The following TACC3 variants were observed in gnomAD, a reference collection of about 807,000 sequenced individuals.
TACC3 encodes the protein transforming acidic coiled-coil-containing protein 3.
In TACC3, 52 loss-of-function variants were observed where a neutral mutation model predicts 86.0. The ratio of observed to expected loss-of-function variants is 0.60; its 90% CI spans 0.48 to 0.76. TACC3 has a LOEUF of 0.76. TACC3 is among the 30% of genes least tolerant of loss of function. The probability of loss-of-function intolerance (pLI) is 0.00; values close to 1 mark genes in which losing one functional copy is unlikely to be tolerated. For synonymous variants in TACC3, 512 were observed against 430.0 expected, an observed-to-expected ratio of 1.19 and a Z score of -2.36; for missense variants, 1,120 against 1,070.4, an observed-to-expected ratio of 1.05 and a Z score of -0.65.
chr4:1,725,179 G>T (rs534811597), intron 3 of TACC3, among the ~76,000 whole-genome samples: 1 of 151,346 alleles, frequency 6.6e-6, no homozygotes, highest in Non-Finnish European at 1.5e-5. Flanking sequence ...TGATCTGCCG[G>T]CCTCGGCCTC....
chr4:1,735,378 C>G lies in TACC3; in HGVS notation c.1644+53C>G, dbSNP rs182661395. The G allele has an allele frequency of 8.4e-4, 1,351 of 1,607,868 alleles. 10 individuals carry two copies. In the African/African-American group the frequency reaches 0.016, roughly 19 times the overall value. On this transcript the variant is annotated intron_variant, in intron 7 of 15. Coordinates refer to ENST00000313288, the MANE Select transcript of TACC3 (RefSeq NM_006342.3). This position sits in a 1 kb window ranked among gnomAD's most constrained non-coding sequence, Gnocchi z 4.2. ...TCACCCACAGGGTGTCCGAGAGCAGCCACGGCAGGTCTTGCCCCCGGAGCG... is the reference window on the plus strand; with the variant it reads ...TCACCCACAGGGTGTCCGAGAGCAGGCACGGCAGGTCTTGCCCCCGGAGCG...
At chr4:1,720,770 G>A, upstream of TACC3, 1 of 1,592,472 alleles carries the variant, frequency 6.3e-7, no homozygotes, top group Non-Finnish European at 8.5e-7. This position sits in a 1 kb window ranked among gnomAD's most constrained non-coding sequence, Gnocchi z 4.4. Context: ...GAACTCGTTG[G>A]GCGTGAACAC....
At chr4:1,727,610 T>A (rs1717751850) in intron 3 of TACC3, 98 bp from the exon 4 acceptor site, 1 of 1,510,246 alleles carries the variant, frequency 6.6e-7, no homozygotes, top group Non-Finnish European at 8.9e-7. Context: ...GCCCTGCTTC[T>A]GGTGTGAGAA....
At chr4:1,738,948 G>A (rs13138643) in intron 10 of TACC3, among the ~76,000 whole-genome samples, 48,191 of 151,994 alleles carry the variant, frequency 0.32, 8,773 homozygotes, top group East Asian at 0.69. Context: ...TAGGACTGGC[G>A]GGAAAATTGT....
chr4:1,727,674 C>T (rs1480846511), intron 3 of TACC3, 34 bp from the exon 4 acceptor site: 10 of 1,542,648 alleles, frequency 6.5e-6, no homozygotes, highest in African/African-American at 1.4e-5. Context: ...ACCAGGTACT[C>T]GCTGCTTCAC....
chr4:1,724,405 T>TC (rs1560292716), intron 3 of TACC3, among the ~76,000 whole-genome samples: 5 of 141,438 alleles, frequency 3.5e-5, no homozygotes, highest in Non-Finnish European at 6.1e-5. Flanking sequence ...TTTTTTTTTT[T>TC]CTGGAGACAG....
Position 1,735,224 on chromosome 4 carries a change from T to A in TACC3, c.1592-49T>A, listed in dbSNP as rs745818175. 12 of 1,611,992 alleles carry A rather than the reference T, an allele frequency of 7.4e-6. No individual in the cohort carries two copies. Among genetic ancestry groups the A allele is most frequent in the Non-Finnish European group, 8.5e-6 (10 of 1,178,842 alleles). ...GAGGGAGACACCAGCCCGCCGCCCTTAGGGCCCTGGTGAGGGGCGATGGCG... is the reference window on the plus strand; with the variant it reads ...GAGGGAGACACCAGCCCGCCGCCCTAAGGGCCCTGGTGAGGGGCGATGGCG... On this transcript the variant is annotated intron_variant, in intron 6 of 15. Transcript: ENST00000313288. The surrounding 1 kb of genome is among the most constrained non-coding windows in gnomAD (Gnocchi z 4.2).
intron 10 of TACC3, chr4:1,738,159 C>T: frequency 3.0e-6 from 1 of 329,034 alleles, no homozygotes; most frequent in South Asian, 2.3e-5. Context: ...AGGCTTCAGC[C>T]TGTTCTAACT....
At chr4:1,740,299 C>G (rs1458967339) in intron 12 of TACC3, 10 of 539,192 alleles carry the variant, frequency 1.9e-5, no homozygotes, top group Non-Finnish European at 1.0e-5. Flanking sequence ...CGTGGCCTAC[C>G]CCACTCCACC....
chr4:1,728,909 G>A, intron 4 of TACC3, 122 bp downstream of exon 4: 1 of 1,003,978 alleles, frequency 1.0e-6, no homozygotes, highest in Non-Finnish European at 1.4e-6. Flanking sequence ...GGTTCTGCCT[G>A]AGGAGGGGCC....
rs1358351884 is a variant in TACC3 at position 1,731,188 on chromosome 4, C to G, written c.1478C>G (p.Ser493Cys). The G allele has an allele frequency of 6.2e-7, 1 of 1,613,380 alleles. No individual in the cohort carries two copies. Among genetic ancestry groups the G allele is most frequent in the Non-Finnish European group, 8.5e-7 (1 of 1,180,034 alleles). ...TAESKERALN[S>C]ASTSLPTSCP... is the part of the protein sequence containing the mutation. ...TTCCTCCAGGAGAGAGCCTTGAACT[C>G]TGCCAGCACCTCGCTTCCCACAAGC... The change falls in exon 6 of 16, where the codon TCT becomes TGT. Residue 493 changes from serine to cysteine, a missense_variant. Ser to Cys is a moderately radical substitution (Grantham distance 112). Coordinates refer to ENST00000313288, the MANE Select transcript of TACC3 (RefSeq NM_006342.3).
chr4:1,739,546 A>G, intron 10 of TACC3, 156 bp from the exon 11 acceptor site: 1 of 683,326 alleles, frequency 1.5e-6, no homozygotes, highest in Non-Finnish European at 2.4e-6. Flanking sequence ...TGGCCTCGAC[A>G]GGGTTCCCAG....
At chr4:1,739,675 C>CTGCTA (rs751390742) in intron 10 of TACC3, 27 bp from the exon 11 acceptor site, 13 of 1,560,920 alleles carry the variant, frequency 8.3e-6, no homozygotes, top group Middle Eastern at 1.9e-4. Flanking sequence ...GCCCGCCTGC[C>CTGCTA]TGCTGACTTG....
At chr4:1,730,658 T>C (rs756937077) in intron 4 of TACC3, 8 of 673,398 alleles carry the variant, frequency 1.2e-5, no homozygotes, top group South Asian at 5.9e-5. Flanking sequence ...CCAGCCTGCT[T>C]CTCCCAGAGC....
At chr4:1,738,941 G>A (rs1036652850) in intron 10 of TACC3, among the ~76,000 whole-genome samples, 2 of 152,138 alleles carry the variant, frequency 1.3e-5, no homozygotes, top group Non-Finnish European at 2.9e-5. Flanking sequence ...TACTGATTAG[G>A]ACTGGCGGGA....
Position 1,735,345 on chromosome 4 carries a change from G to A in TACC3, c.1644+20G>A, listed in dbSNP as rs534786014. 4.0e-5 allele frequency: 65 copies of A among 1,613,794 alleles called. 1 individual carries two copies. In the South Asian group the frequency reaches 4.3e-4, roughly 11 times the overall value. On this transcript the variant is annotated intron_variant, in intron 7 of 15. Coordinates refer to ENST00000313288, the MANE Select transcript of TACC3 (RefSeq NM_006342.3). The surrounding 1 kb of genome is among the most constrained non-coding windows in gnomAD (Gnocchi z 4.2). ...TCCTCGGTAGGTACCAGGCAATTCC[G>A]CGAAGCCTCACCCACAGGGTGTCCG... is the stretch of plus-strand genomic sequence containing the variant.
At position 1,735,382 on chromosome 4, in the gene TACC3, G is replaced by A. The variant is rs3752748; in HGVS notation, c.1644+57G>A. The A allele has an allele frequency of 0.24, 381,729 of 1,603,332 alleles. 47,163 individuals carry two copies. Among genetic ancestry groups the A allele is most frequent in the Non-Finnish European group, 0.26 (303,392 of 1,171,028 alleles). Reference sequence around the variant, plus strand: ...CCACAGGGTGTCCGAGAGCAGCCACGGCAGGTCTTGCCCCCGGAGCGTCCC... The same window carrying A: ...CCACAGGGTGTCCGAGAGCAGCCACAGCAGGTCTTGCCCCCGGAGCGTCCC... On this transcript the variant is annotated intron_variant, in intron 7 of 15. Transcript: ENST00000313288. The surrounding 1 kb of genome is among the most constrained non-coding windows in gnomAD (Gnocchi z 4.2).
rs942933395 is a variant in TACC3 at position 1,738,873 on chromosome 4, AGAGCAGGTGACCGGGATGAGTCAGGATG to A, written c.1942-816_1942-789del. On this transcript the variant is annotated intron_variant, in intron 10 of 15. Transcript: ENST00000313288. ...CAGGTAACTCAAGGTGACTTAGGTC[AGAGCAGGTGACCGGGATGAGTCAGGATG>A]GAGCAGGTGACCAGGGAACAGATGT... Among the ~76,000 whole-genome samples the A allele has an allele frequency of 7.2e-5, 11 of 152,266 alleles. 1 individual carries two copies. In the South Asian group the frequency reaches 1.7e-3, roughly 23 times the overall value.
chr4:1,720,866 AGGCCCCCGCCCCGGCGCGC>A, upstream of TACC3: 1 of 1,548,792 alleles, frequency 6.5e-7, no homozygotes, highest in East Asian at 2.5e-5. This position sits in a 1 kb window ranked among gnomAD's most constrained non-coding sequence, Gnocchi z 4.4. Context: ...CTGTCGAGCT[AGGCCCCCGCCCCGGCGCGC>A]GGACGAGGCC....
Sources: gnomAD v4.1 joint callset for allele counts (sites outside exome capture counted in the v4.1 genomes callset) on GRCh38, gnomAD v4.1.1 for gene constraint, Gnocchi (gnomAD v3.1) non-coding constraint, MANE v1.5 for transcripts, NCBI Gene and HGNC (gene_info 2026-07-23, HGNC 2026-07-21) for gene names.